PCDHGA1: variants seen among roughly 807,000 people sequenced by gnomAD.
PCDHGA1 encodes protocadherin gamma subfamily A, 1, also known as protocadherin gamma-A1.
Under a neutral mutation model 58.0 loss-of-function variants are expected in PCDHGA1, and 32 were observed. The observed-to-expected ratio is 0.55, with a 90% CI of 0.42 to 0.74. The LOEUF is 0.74. Among genes scored for constraint, PCDHGA1 ranks in the 30% least tolerant of loss-of-function variants. The pLI, the probability that PCDHGA1 is intolerant of heterozygous loss-of-function variation, is 0.00. For synonymous variants in PCDHGA1, 498 were observed against 501.1 expected (o/e 0.99, Z 0.08); for missense variants, 1,205 against 1,182.3 (o/e 1.02, Z -0.28).
chr5:141,410,945 C>A, intron 1 of PCDHGA1: 1 of 192,458 alleles, frequency 5.2e-6, no homozygotes, highest in Non-Finnish European at 1.0e-5. Context: ...CCTCCGCCTT[C>A]TGGGTTCAAG....
chr5:141,470,577 C>T (rs75062402), intron 1 of PCDHGA1, among the ~76,000 whole-genome samples: 8,307 of 152,270 alleles, frequency 0.055, 479 homozygotes, highest in African/African-American at 0.15. Flanking sequence ...GCAGGATCAA[C>T]TTCATAGGCA....
chr5:141,379,313 AG>A (rs1433876569), intron 1 of PCDHGA1: 2 of 152,264 alleles, frequency 1.3e-5, no homozygotes, highest in Non-Finnish European at 2.9e-5. Context: ...CCTAAACAAG[AG>A]ATCTAATCAT....
intron 1 of PCDHGA1, chr5:141,403,784 G>C: frequency 1.9e-6 from 3 of 1,613,906 alleles, no homozygotes; most frequent in East Asian, 2.2e-5. Context: ...CGGAAAAGTG[G>C]CATACAAATT....
chr5:141,374,390 C>T, intron 1 of PCDHGA1: 2 of 1,614,024 alleles, frequency 1.2e-6, no homozygotes, highest in Non-Finnish European at 1.7e-6. Flanking sequence ...CCCGCGGTGT[C>T]TGGTGAGTTT....
At chr5:141,394,635 C>T (rs754317215) in intron 1 of PCDHGA1, 1 of 1,613,428 alleles carries the variant, frequency 6.2e-7, no homozygotes, top group Non-Finnish European at 8.5e-7. Context: ...GTCCTACCGC[C>T]TGCTCAAGGC....
chr5:141,429,239 T>C (rs1344971786), intron 1 of PCDHGA1: 1 of 151,802 alleles, frequency 6.6e-6, no homozygotes, highest in East Asian at 1.9e-4. Context: ...ACTGCTGTCA[T>C]TGAGATATTT....
Position 141,389,941 on chromosome 5 carries a change from T to C in PCDHGA1, c.2421+56836T>C, listed in dbSNP as rs772172943. 2.5e-6 allele frequency: 4 copies of C among 1,613,952 alleles called. No homozygotes were observed. In the African/African-American group the frequency reaches 5.3e-5, roughly 22 times the overall value. On this transcript the variant is annotated intron_variant, in intron 1 of 3. Coordinates refer to ENST00000517417, the MANE Select transcript of PCDHGA1 (RefSeq NM_018912.3). ...GACCCCTCTGACCTCCAGGCTGAGC[T>C]GCAGTTTTACCTAGTGGTGGCCTTG...
At chr5:141,344,152 A>G (rs1757375007) in intron 1 of PCDHGA1, 1 of 1,614,022 alleles carries the variant, frequency 6.2e-7, no homozygotes, top group Admixed American at 1.7e-5. Context: ...GAGGAGCTAG[A>G]TAAAGGTTCC....
chr5:141,408,985 G>A, intron 1 of PCDHGA1: 1 of 1,613,966 alleles, frequency 6.2e-7, no homozygotes, highest in South Asian at 1.1e-5. Context: ...GGTCCCCTGT[G>A]TTGCAAGTGA....
chr5:141,381,582 C>T (rs1777289375), intron 1 of PCDHGA1, among the ~76,000 whole-genome samples: 1 of 152,154 alleles, frequency 6.6e-6, no homozygotes, highest in African/African-American at 2.4e-5. Flanking sequence ...TCAGCCAATC[C>T]ATTATCCAGT....
intron 1 of PCDHGA1, among the ~76,000 whole-genome samples, chr5:141,381,166 C>A (rs1402987548): frequency 6.6e-6 from 1 of 152,204 alleles, no homozygotes; most frequent in Non-Finnish European, 1.5e-5. Context: ...ACTTAGGAGC[C>A]TCCCACAAAA....
chr5:141,360,927 G>T (rs1455731700), intron 1 of PCDHGA1: 1 of 1,613,866 alleles, frequency 6.2e-7, no homozygotes, highest in African/African-American at 1.3e-5. Flanking sequence ...TGCTTCAAGT[G>T]ACAGCCACCG....
chr5:141,370,288 C>A, intron 1 of PCDHGA1: 1 of 1,009,420 alleles, frequency 9.9e-7, no homozygotes, highest in Non-Finnish European at 1.4e-6. Flanking sequence ...ATTAGAGAAC[C>A]CAAGCACAAA....
Position 141,367,146 on chromosome 5 carries a change from A to G in PCDHGA1, c.2421+34041A>G, listed in dbSNP as rs900796312. 2.4e-5 allele frequency: 4 copies of G among 168,774 alleles called. No individual in the cohort carries two copies. In the East Asian group the frequency reaches 5.2e-4, roughly 22 times the overall value. 10.5% of individuals were successfully genotyped at this position (168,774 alleles called of 1,614,324 possible). A position where few individuals can be genotyped will look rare whatever the true frequency, so the allele number is the denominator to read the frequency against. ...ATGTGTTTTGGAAAGGATAATGTAT[A>G]GGACTGATATTTTAGTCTACCTGAA... is the stretch of plus-strand genomic sequence containing the variant. On this transcript the variant is annotated intron_variant, in intron 1 of 3. Transcript: ENST00000517417.
chr5:141,474,244 A>G (rs910247549), intron 1 of PCDHGA1, among the ~76,000 whole-genome samples: 26 of 152,270 alleles, frequency 1.7e-4, no homozygotes, highest in Non-Finnish European at 3.2e-4. Context: ...TGAATAGGGG[A>G]AAAAAAGACT....
chr5:141,365,291 G>A (rs1485820114), intron 1 of PCDHGA1: 2 of 1,614,008 alleles, frequency 1.2e-6, no homozygotes, highest in Admixed American at 3.3e-5. Flanking sequence ...GGAAGTGGTA[G>A]CTCAGGATGG....
At chr5:141,410,058 T>C in intron 1 of PCDHGA1, 1 of 1,613,016 alleles carries the variant, frequency 6.2e-7, no homozygotes, top group Non-Finnish European at 8.5e-7. Context: ...CTCTTCAGCC[T>C]GGGGCTGCGC....
intron 1 of PCDHGA1, chr5:141,420,181 T>C (rs1590216182): frequency 6.2e-7 from 1 of 1,613,998 alleles, no homozygotes; most frequent in Non-Finnish European, 8.5e-7. Context: ...TTGATCATTG[T>C]CCAGCCACAC....
At chr5:141,404,524 G>A (rs368795324) in intron 1 of PCDHGA1, 2 of 1,613,820 alleles carry the variant, frequency 1.2e-6, no homozygotes, top group African/African-American at 1.3e-5. Context: ...ACTATGAGCA[G>A]TTTAGAGATT....
Sources: allele counts gnomAD v4.1 joint callset (sites outside exome capture counted in the v4.1 genomes callset), GRCh38; gene constraint gnomAD v4.1.1; transcripts MANE v1.5; gene names NCBI Gene and HGNC (gene_info 2026-07-23, HGNC 2026-07-21).